Variants in TBC1D4 observed in about 807,000 individuals in gnomAD.
TBC1D4 encodes the protein TBC1 domain family member 4.
A neutral mutation model predicts 142.5 loss-of-function variants in TBC1D4; 121 were observed. The ratio of observed to expected loss-of-function variants is 0.85; its 90% CI spans 0.73 to 0.99. The LOEUF is 0.99. Ranked by LOEUF, TBC1D4 falls within the 50% of genes least tolerant of loss-of-function variation. The pLI is 0.00. For synonymous variants in TBC1D4, 630 were observed against 628.2 expected (o/e 1.00, Z -0.04); for missense variants, 1,475 against 1,606.6 (o/e 0.92, Z 1.40).
intron 1 of TBC1D4, among the ~76,000 whole-genome samples, chr13:75,474,063 T>C (rs1389830170): frequency 6.6e-6 from 1 of 152,240 alleles, no homozygotes; most frequent in Non-Finnish European, 1.5e-5. Flanking sequence ...AAACAAACTT[T>C]TTTTATTTCC....
chr13:75,324,403 T>C lies in TBC1D4; in HGVS notation c.2034-2A>G. On this transcript the variant is annotated splice_acceptor_variant, in intron 10 of 20. Coordinates refer to ENST00000377636, the MANE Select transcript of TBC1D4 (RefSeq NM_014832.5). LOFTEE classifies it high-confidence loss of function. ...ATGCGTCGAACTGACGAAAGATTGCTGAGTACAGAAAATACAGCAAATATG... is the reference window on the plus strand; with the variant it reads ...ATGCGTCGAACTGACGAAAGATTGCCGAGTACAGAAAATACAGCAAATATG... The C allele has an allele frequency of 6.2e-7, 1 of 1,613,890 alleles. No individual in the cohort carries two copies. Among genetic ancestry groups the C allele is most frequent in the Non-Finnish European group, 8.5e-7 (1 of 1,179,828 alleles).
intron 1 of TBC1D4, among the ~76,000 whole-genome samples, chr13:75,388,912 C>T (rs1049925433): frequency 3.9e-5 from 6 of 152,142 alleles, no homozygotes; most frequent in Non-Finnish European, 8.8e-5. Flanking sequence ...GGCTCCAATA[C>T]CAGCTCTCCA....
chr13:75,453,269 G>T (rs1400667909), intron 1 of TBC1D4, among the ~76,000 whole-genome samples: 1 of 151,928 alleles, frequency 6.6e-6, no homozygotes, highest in Non-Finnish European at 1.5e-5. Flanking sequence ...TAACCAATAT[G>T]TTTAGTTTAA....
chr13:75,325,472 C>G (rs537010727), intron 10 of TBC1D4, among the ~76,000 whole-genome samples: 1 of 151,028 alleles, frequency 6.6e-6, no homozygotes, highest in East Asian at 2.0e-4. Context: ...GTAACAAATT[C>G]ATAGGTAAAG....
intron 1 of TBC1D4, among the ~76,000 whole-genome samples, chr13:75,397,149 A>G (rs1884838129): frequency 1.3e-5 from 2 of 151,332 alleles, no homozygotes; most frequent in Non-Finnish European, 3.0e-5. Context: ...AGAAGGCAAG[A>G]AAAAAAAATG....
At chr13:75,451,097 C>G (rs796429107) in intron 1 of TBC1D4, among the ~76,000 whole-genome samples, 1 of 152,062 alleles carries the variant, frequency 6.6e-6, no homozygotes, top group Non-Finnish European at 1.5e-5. Flanking sequence ...ATTTCTTTAC[C>G]GTATTTGCAT....
intron 1 of TBC1D4, among the ~76,000 whole-genome samples, chr13:75,443,977 GA>G (rs11287723): frequency 0.99 from 146,325 of 148,028 alleles, 72,332 homozygotes; most frequent in East Asian, 1. Context: ...ATATCCATCT[GA>G]AAAAAAAAAA....
intron 1 of TBC1D4, among the ~76,000 whole-genome samples, chr13:75,380,058 T>C (rs1205458249): frequency 6.6e-6 from 1 of 151,644 alleles, no homozygotes; most frequent in Admixed American, 6.6e-5. Flanking sequence ...TTTGTATTTT[T>C]AGTAGAGACG....
In TBC1D4 at chr13:75,362,136, G is replaced by A. The variant is rs1297060811; in HGVS notation, c.970C>T (p.Arg324Trp). Residue 324 changes from arginine (R) to tryptophan (W), a missense_variant, in exon 2 of 21, where the codon CGG (arginine) becomes TGG (tryptophan). Transcript: ENST00000377636. The surrounding 1 kb of genome is among the most constrained non-coding windows in gnomAD (Gnocchi z 4.2). ...TTCTGGCTGCCCTCGTGAACTCTCC[G>A]TTGCACGCCGGTGACACTGCTGCAC... ...SRCSSVTGVQ[R>W]RVHEGSQKSQ... The A allele has an allele frequency of 8.1e-6, 13 of 1,613,700 alleles. No homozygotes were observed. The highest frequency in any genetic ancestry group is 9.3e-6 in the Non-Finnish European group (11 of 1,180,018).
At chr13:75,471,156 A>AAT (rs66849176) in intron 1 of TBC1D4, among the ~76,000 whole-genome samples, 6,631 of 150,290 alleles carry the variant, frequency 0.044, 188 homozygotes, top group Non-Finnish European at 0.07. Context: ...TTAATTTTTA[A>AAT]ATATATATAT....
At chr13:75,329,009 C>T (rs1879515670) in intron 8 of TBC1D4, among the ~76,000 whole-genome samples, 1 of 151,916 alleles carries the variant, frequency 6.6e-6, no homozygotes, top group Non-Finnish European at 1.5e-5. Context: ...CTTATCCTAC[C>T]GTTCCTTAAG....
At chr13:75,409,041 G>A (rs61960784) in intron 1 of TBC1D4, among the ~76,000 whole-genome samples, 28 of 150,624 alleles carry the variant, frequency 1.9e-4, no homozygotes, top group Admixed American at 4.0e-4. Flanking sequence ...ATACACACAC[G>A]CACACACACA....
intron 1 of TBC1D4, among the ~76,000 whole-genome samples, chr13:75,388,462 C>A (rs765581264): frequency 7.9e-5 from 12 of 152,122 alleles, no homozygotes; most frequent in Non-Finnish European, 1.3e-4. Context: ...TTTTAAGAAA[C>A]TGAATAAATT....
At chr13:75,315,408 A>G (rs539296173) in intron 12 of TBC1D4, among the ~76,000 whole-genome samples, 1 of 138,184 alleles carries the variant, frequency 7.2e-6, no homozygotes, top group South Asian at 2.6e-4. Context: ...ACACACATAT[A>G]TATATATATA....
rs372333365 is a variant in TBC1D4 at position 75,349,040 on chromosome 13, A to G, written c.1408+130T>C. 1.3e-4 allele frequency: 175 copies of G among 1,373,454 alleles called. 1 individual carries two copies. The South Asian group carries it at 2.0e-3, about 16-fold the overall frequency. The allele number at this position is 1,373,454 out of a possible 1,614,324, so 85.1% of individuals were successfully genotyped here. ...TGACAGCCCACTCACATTTGAGTGG[A>G]CATGAGAAATGATTCTTTGGGTTCT... On this transcript the variant is annotated intron_variant, in intron 5 of 20. Coordinates refer to ENST00000377636, the MANE Select transcript of TBC1D4 (RefSeq NM_014832.5).
chr13:75,326,537 A>T, intron 9 of TBC1D4, 114 bp from the exon 10 acceptor site: 1 of 1,137,042 alleles, frequency 8.8e-7, no homozygotes, highest in East Asian at 2.5e-5. Flanking sequence ...AGTCATGACA[A>T]AACTGTTTTT....
At chr13:75,397,375 A>G (rs187034675) in intron 1 of TBC1D4, among the ~76,000 whole-genome samples, 1 of 152,346 alleles carries the variant, frequency 6.6e-6, no homozygotes, top group Admixed American at 6.5e-5. Context: ...AATAAAGGGC[A>G]GATACCAGAA....
intron 1 of TBC1D4, among the ~76,000 whole-genome samples, chr13:75,453,294 CCATT>C (rs1181906165): frequency 3.3e-5 from 5 of 151,940 alleles, no homozygotes. Flanking sequence ...GTGTTTCTGA[CCATT>C]CAAATTTCCA....
At chr13:75,380,168 C>T (rs548317193) in intron 1 of TBC1D4, among the ~76,000 whole-genome samples, 9 of 151,440 alleles carry the variant, frequency 5.9e-5, no homozygotes, top group Admixed American at 3.3e-4. Context: ...CGTGAGCCAC[C>T]GCGCCTAGCC....
Sources: gnomAD v4.1 joint callset for allele counts (sites outside exome capture counted in the v4.1 genomes callset) on GRCh38, gnomAD v4.1.1 for gene constraint, Gnocchi (gnomAD v3.1) non-coding constraint, MANE v1.5 for transcripts, NCBI Gene and HGNC (gene_info 2026-07-23, HGNC 2026-07-21) for gene names.